The following WDTC1 variants were observed in gnomAD, a reference collection of about 807,000 sequenced individuals.
WDTC1 encodes WD and tetratricopeptide repeats 1.
WDTC1 carries 12 observed loss-of-function variants against 76.0 expected under a neutral mutation model. That is an observed-to-expected ratio of 0.16 (90% CI 0.10 to 0.26). The LOEUF is 0.26. Ranked by LOEUF, WDTC1 falls within the 10% of genes least tolerant of loss-of-function variation. The probability of loss-of-function intolerance (pLI) is 1.00; values close to 1 mark genes in which losing one functional copy is unlikely to be tolerated. For missense variants in WDTC1, 511 were observed against 908.8 expected (o/e 0.56, Z 5.63); for synonymous variants, 326 against 350.8 (o/e 0.93, Z 0.79).
rs539954864 is a variant in WDTC1 at position 27,262,087 on chromosome 1, G to A, written c.48+985G>A. Among the ~76,000 whole-genome samples the A allele has an allele frequency of 2.0e-5, 3 of 151,682 alleles. No homozygotes were observed. The East Asian group carries it at 5.9e-4, about 30-fold the overall frequency. The stretch of plus-strand genomic sequence containing the variant: ...TGGGACTACAGGCGCATGCTACCAC[G>A]CCCAGCTAATTTTTTGTATTTTTAG... On this transcript the variant is annotated intron_variant, in intron 2 of 15. Transcript: ENST00000319394.
chr1:27,259,617 C>T (rs879765246), intron 1 of WDTC1, among the ~76,000 whole-genome samples: 5 of 152,094 alleles, frequency 3.3e-5, no homozygotes, highest in Non-Finnish European at 7.3e-5. Flanking sequence ...CACAGCACTG[C>T]ACCACCACAC....
rs2012960678 is a variant in WDTC1, at chr1:27,274,283, C to T, written c.133-7956C>T. ...CCAGCCTGGGCAATGGAAGGAGACA[C>T]TGTCTTTAAAAAAGAGAGAGAGAGA... On this transcript the variant is annotated intron_variant, in intron 3 of 15. Transcript: ENST00000319394. This position sits in a 1 kb window ranked among gnomAD's most constrained non-coding sequence, Gnocchi z 4.2. 2.0e-5 allele frequency among the ~76,000 whole-genome samples: 3 copies of T among 151,856 alleles called. No individual in the cohort carries two copies. Among genetic ancestry groups the T allele is most frequent in the African/African-American group, 7.3e-5 (3 of 41,312 alleles).
Position 27,301,190 on chromosome 1 carries a change from G to A in WDTC1, c.1233-36G>A. The A allele has an allele frequency of 3.1e-6, 5 of 1,600,586 alleles. No homozygotes were observed. Among genetic ancestry groups the A allele is most frequent in the Non-Finnish European group, 4.3e-6 (5 of 1,170,550 alleles). On this transcript the variant is annotated intron_variant, in intron 12 of 15. Coordinates refer to ENST00000319394, the MANE Select transcript of WDTC1 (RefSeq NM_001276252.2). This position sits in a 1 kb window ranked among gnomAD's most constrained non-coding sequence, Gnocchi z 5.8. ...ATGGGGACCCCTTGCTTGCCACGTG[G>A]CTCCACCTCCAAGCCGCTCTTCCCT...
chr1:27,261,267 T>C (rs1004887940), intron 2 of WDTC1, among the ~76,000 whole-genome samples, 165 bp downstream of exon 2: 8 of 152,204 alleles, frequency 5.3e-5, no homozygotes, highest in African/African-American at 1.7e-4. Flanking sequence ...CTCTCCATCT[T>C]GTATTGTCTA....
intron 7 of WDTC1, 152 bp downstream of exon 7, chr1:27,292,549 T>C (rs2013563262): frequency 1.5e-6 from 1 of 681,630 alleles, no homozygotes; most frequent in South Asian, 3.5e-5. Context: ...CATCTCAGCC[T>C]CTCAAGTAGC....
chr1:27,252,931 AT>A (rs1207077601), intron 1 of WDTC1, among the ~76,000 whole-genome samples: 9 of 151,088 alleles, frequency 6.0e-5, no homozygotes, highest in Non-Finnish European at 1.2e-4. Flanking sequence ...CCTCACTGTC[AT>A]TTTTGTGCTT....
chr1:27,306,160 G>C lies in WDTC1; in HGVS notation c.1837-26G>C. The C allele has an allele frequency of 1.2e-6, 2 of 1,613,398 alleles. No homozygotes were observed. Among genetic ancestry groups the C allele is most frequent in the South Asian group, 1.1e-5 (1 of 91,054 alleles). On this transcript the variant is annotated intron_variant, in intron 15 of 15. Transcript: ENST00000319394. This position sits in a 1 kb window ranked among gnomAD's most constrained non-coding sequence, Gnocchi z 5.0. ...GTGCCTCTCCCTCCCTGAGCCCCAC[G>C]TGTGTCACCCCTTTCTCCACCACAG...
chr1:27,302,020 T>A (rs2013842761), intron 13 of WDTC1, among the ~76,000 whole-genome samples: 2 of 152,126 alleles, frequency 1.3e-5, no homozygotes, highest in African/African-American at 4.8e-5. Context: ...CCTGCCCAGC[T>A]CCCCTCAGTG....
chr1:27,292,225 C>G lies in WDTC1; in HGVS notation c.490C>G (p.Leu164Val). 1 of 1,593,606 alleles carries G rather than the reference C, an allele frequency of 6.3e-7. No homozygotes were observed. Among genetic ancestry groups the G allele is most frequent in the Non-Finnish European group, 8.6e-7 (1 of 1,168,912 alleles). Residue 164 changes from leucine (L) to valine (V), a missense_variant, in exon 7 of 16, where the codon CTT becomes GTT. By Grantham distance (32) the Leu-to-Val change is conservative. Coordinates refer to ENST00000319394, the MANE Select transcript of WDTC1 (RefSeq NM_001276252.2). ...AEDGLIRQYD[L>V]RENSKHSEVL... Reference sequence around the variant, plus strand: ...TGTCCTCTCTCACAGCCAGTATGACCTTCGAGAGAACAGCAAACACTCGGA... The same window carrying G: ...TGTCCTCTCTCACAGCCAGTATGACGTTCGAGAGAACAGCAAACACTCGGA...
At chr1:27,279,878 C>G (rs2013141704) in intron 3 of WDTC1, among the ~76,000 whole-genome samples, 1 of 152,168 alleles carries the variant, frequency 6.6e-6, no homozygotes, top group South Asian at 2.1e-4. Flanking sequence ...TGCTGTAAGT[C>G]TTGAACTCTC....
intron 1 of WDTC1, among the ~76,000 whole-genome samples, chr1:27,250,992 G>C (rs901170466): frequency 1.5e-5 from 2 of 134,860 alleles, no homozygotes; most frequent in African/African-American, 5.5e-5. Flanking sequence ...TCAGCCTCCT[G>C]AGTAGCTGGG....
At chr1:27,276,824 G>A (rs953291018) in intron 3 of WDTC1, among the ~76,000 whole-genome samples, 2 of 151,754 alleles carry the variant, frequency 1.3e-5, no homozygotes, top group Non-Finnish European at 1.5e-5. Context: ...GTTTTCATGT[G>A]CTTGTTGTCA....
At chr1:27,264,166 T>C (rs2012582386) in intron 3 of WDTC1, among the ~76,000 whole-genome samples, 1 of 152,126 alleles carries the variant, frequency 6.6e-6, no homozygotes, top group African/African-American at 2.4e-5. Context: ...TGCATGCCTG[T>C]AATCCCAGCT....
At chr1:27,292,135 A>G in intron 6 of WDTC1, 80 bp from the exon 7 acceptor site, 1 of 1,375,418 alleles carries the variant, frequency 7.3e-7, no homozygotes, top group Non-Finnish European at 9.7e-7. Flanking sequence ...ATCCTCTTGC[A>G]TAACAAGAAC....
intron 10 of WDTC1, among the ~76,000 whole-genome samples, chr1:27,296,779 GCCCCAA>G (rs1157139545): frequency 4.6e-5 from 4 of 86,532 alleles, no homozygotes; most frequent in Non-Finnish European, 6.9e-5. Flanking sequence ...CCTAGCCCCA[GCCCCAA>G]CCCTAGCCCC....
At chr1:27,295,918 A>G (rs2013671136) in intron 9 of WDTC1, among the ~76,000 whole-genome samples, 1 of 151,966 alleles carries the variant, frequency 6.6e-6, no homozygotes, top group Admixed American at 6.6e-5. Flanking sequence ...GGCACACGCC[A>G]CCACACCTGG....
chr1:27,282,205 A>C, intron 3 of WDTC1, 34 bp from the exon 4 acceptor site: 1 of 1,611,972 alleles, frequency 6.2e-7, no homozygotes, highest in Non-Finnish European at 8.5e-7. Context: ...ACCCCTAACC[A>C]ACTCTCTTCC....
chr1:27,301,651 A>C lies in WDTC1; in HGVS notation c.1468+190A>C, dbSNP rs935445261. Reference sequence around the variant, plus strand: ...TCCTGGTCTGAAAAGGAGGCATGCCAGCACCTCCCACTGAGCGTTTCTATT... The same window carrying C: ...TCCTGGTCTGAAAAGGAGGCATGCCCGCACCTCCCACTGAGCGTTTCTATT... On this transcript the variant is annotated intron_variant, in intron 13 of 15. Coordinates refer to ENST00000319394, the MANE Select transcript of WDTC1 (RefSeq NM_001276252.2). The surrounding 1 kb of genome is among the most constrained non-coding windows in gnomAD (Gnocchi z 5.8). 3.9e-5 allele frequency among the ~76,000 whole-genome samples: 6 copies of C among 152,172 alleles called. No individual in the cohort carries two copies. The highest frequency in any genetic ancestry group is 1.2e-4 in the African/African-American group (5 of 41,436).
In WDTC1 at chr1:27,303,746, G is replaced by A. The variant is rs1171296628; in HGVS notation, c.1594G>A (p.Gly532Ser). The A allele has an allele frequency of 6.2e-7, 1 of 1,613,980 alleles. No individual in the cohort carries two copies. The highest frequency in any genetic ancestry group is 8.5e-7 in the Non-Finnish European group (1 of 1,179,944). Residue 532 changes from glycine to serine, a missense_variant, in exon 14 of 16, where the codon GGC (glycine) becomes AGC (serine). Coordinates refer to ENST00000319394, the MANE Select transcript of WDTC1 (RefSeq NM_001276252.2). This position sits in a 1 kb window ranked among gnomAD's most constrained non-coding sequence, Gnocchi z 4.8. ...CTACGACTATCAGTTCCGCTACTGC[G>A]GCCACTGCAACACCACCACGGATAT... ...RSYDYQFRYCGHCNTTTDIKE... is the reference protein window; with the variant it reads ...RSYDYQFRYCSHCNTTTDIKE...
Sources: allele counts gnomAD v4.1 joint callset (sites outside exome capture counted in the v4.1 genomes callset), GRCh38; gene constraint gnomAD v4.1.1; non-coding constraint Gnocchi (gnomAD v3.1); transcripts MANE v1.5; gene names NCBI Gene and HGNC (gene_info 2026-07-23, HGNC 2026-07-21).